TBC1D9B: variants seen among roughly 807,000 people sequenced by gnomAD.
TBC1D9B encodes the protein TBC1 domain family member 9B.
In TBC1D9B, 87 loss-of-function variants were observed where a neutral mutation model predicts 121.1. The ratio of observed to expected loss-of-function variants is 0.72; its 90% CI spans 0.60 to 0.86. The LOEUF is 0.86. Among genes scored for constraint, TBC1D9B ranks in the 40% least tolerant of loss-of-function variants. The pLI, the probability that TBC1D9B is intolerant of heterozygous loss-of-function variation, is 0.00. For synonymous variants in TBC1D9B, 668 were observed against 670.1 expected, an observed-to-expected ratio of 1.00 and a Z score of 0.05; for missense variants, 1,540 against 1,628.6, an observed-to-expected ratio of 0.95 and a Z score of 0.94.
At position 179,890,587 on chromosome 5, in the gene TBC1D9B, TC is replaced by T. The variant is rs995675926; in HGVS notation, c.1044+791del. 1.1e-4 allele frequency among the ~76,000 whole-genome samples: 17 copies of T among 152,220 alleles called. No individual in the cohort carries two copies. Among genetic ancestry groups the T allele is most frequent in the African/African-American group, 4.1e-4 (17 of 41,448 alleles). The stretch of plus-strand genomic sequence containing the variant: ...GGCAGCAACTCTCCCACACCTATTC[TC>T]AGCTACATCTGCAACTTGAGGGATT... On this transcript the variant is annotated intron_variant, in intron 6 of 20. Coordinates refer to ENST00000355235, the MANE Select transcript of TBC1D9B (RefSeq NM_015043.4). The surrounding 1 kb of genome is among the most constrained non-coding windows in gnomAD (Gnocchi z 5.0).
At position 179,865,125 on chromosome 5, in the gene TBC1D9B, G is replaced by A. The variant is rs543833916; in HGVS notation, c.3021+129C>T. On this transcript the variant is annotated intron_variant, in intron 20 of 20. Transcript: ENST00000355235. The surrounding 1 kb of genome is among the most constrained non-coding windows in gnomAD (Gnocchi z 5.1). ...TCGCTGACTGGCAACCAGGACTAACGGGCTCTAGAGGCAGGGAGGAGCCTT... is the reference window on the plus strand; with the variant it reads ...TCGCTGACTGGCAACCAGGACTAACAGGCTCTAGAGGCAGGGAGGAGCCTT... The A allele has an allele frequency of 2.4e-5, 20 of 819,980 alleles. No individual in the cohort carries two copies. The highest frequency in any genetic ancestry group is 2.2e-4 in the African/African-American group (13 of 59,034). 50.8% of individuals were successfully genotyped at this position (819,980 alleles called of 1,614,324 possible). A position where few individuals can be genotyped will look rare whatever the true frequency, so the allele number is the denominator to read the frequency against.
At chr5:179,894,685 G>A in intron 3 of TBC1D9B, 71 bp from the exon 4 acceptor site, 1 of 1,530,560 alleles carries the variant, frequency 6.5e-7, no homozygotes, top group Non-Finnish European at 9.0e-7. Context: ...GAGCAGAGAG[G>A]CCCAGGGAAC....
intron 7 of TBC1D9B, among the ~76,000 whole-genome samples, chr5:179,882,943 C>T (rs1760581957): frequency 6.6e-6 from 1 of 152,182 alleles, no homozygotes; most frequent in Non-Finnish European, 1.5e-5. Context: ...CCTCCTTCTC[C>T]CACCTCCTGG....
intron 2 of TBC1D9B, among the ~76,000 whole-genome samples, chr5:179,899,567 C>A (rs1379962448): frequency 6.6e-6 from 1 of 152,200 alleles, no homozygotes; most frequent in East Asian, 1.9e-4. Context: ...TCCCTGAAGC[C>A]AACAGGGAGA....
Position 179,879,711 on chromosome 5 carries a change from C to G in TBC1D9B, c.1333G>C (p.Ala445Pro), listed in dbSNP as rs759021604. ...SPLSSRQSFC[A>P]QEAPTASQGL... Reference sequence around the variant, plus strand: ...TGGGATGCGGTTGGCGCCTCCTGCGCACAGAAGCTCTGGCGGCTGCTGAGG... The same window carrying G: ...TGGGATGCGGTTGGCGCCTCCTGCGGACAGAAGCTCTGGCGGCTGCTGAGG... Residue 445 changes from alanine to proline, a missense_variant, in exon 8 of 21, where the codon GCG becomes CCG. Transcript: ENST00000355235. The G allele has an allele frequency of 8.7e-6, 14 of 1,614,068 alleles. No individual in the cohort carries two copies. The Admixed American group carries it at 1.0e-4, about 12-fold the overall frequency.
At chr5:179,866,220 G>A (rs1262099590) in intron 18 of TBC1D9B, 4 of 255,064 alleles carry the variant, frequency 1.6e-5, no homozygotes, top group African/African-American at 2.3e-5. Flanking sequence ...GAGGACTAAC[G>A]AATTCTATAG....
In TBC1D9B at chr5:179,862,713, C is replaced by T; in HGVS notation, c.*735G>A. 1 of 421,664 alleles carries T rather than the reference C, an allele frequency of 2.4e-6. No homozygotes were observed. 26.1% of individuals were successfully genotyped at this position (421,664 alleles called of 1,614,324 possible). On this transcript the variant is annotated 3_prime_UTR_variant, in exon 21 of 21. Coordinates refer to ENST00000355235, the MANE Select transcript of TBC1D9B (RefSeq NM_015043.4). Reference sequence around the variant, plus strand: ...GGAGGCCTAAGCAGTGGTTGGGGGCCACAGCAAGGCATTGCACACAGTGGT... The same window carrying T: ...GGAGGCCTAAGCAGTGGTTGGGGGCTACAGCAAGGCATTGCACACAGTGGT...
At position 179,874,629 on chromosome 5, in the gene TBC1D9B, G is replaced by C. The variant is rs1216242055; in HGVS notation, c.2186+273C>G. Among the ~76,000 whole-genome samples the C allele has an allele frequency of 6.6e-6, 1 of 152,186 alleles. No individual in the cohort carries two copies. The highest frequency in any genetic ancestry group is 1.5e-5 in the Non-Finnish European group (1 of 68,022). The stretch of plus-strand genomic sequence containing the variant: ...GGATCTTGGCTCTGGTTTGCCCTCA[G>C]GGGAAGCATCTCCAACCCTACATCT... On this transcript the variant is annotated intron_variant, in intron 12 of 20. Transcript: ENST00000355235. The surrounding 1 kb of genome is among the most constrained non-coding windows in gnomAD (Gnocchi z 4.3).
At position 179,867,796 on chromosome 5, in the gene TBC1D9B, CTG is replaced by C; in HGVS notation, c.2843_2844del (p.Thr948ArgfsTer20). ...ESALEAAHYFTEDSSSEEALP... is the reference protein window; with the variant it reads ...ESALEAAHYFXEDSSSEEALP... ...CGCTCACCTTCTGAGGAGCTGTCCT[CTG>C]TGAAATAATGGGCCGCCTCCAGGGC... is the stretch of plus-strand genomic sequence containing the variant. On this transcript the variant is annotated frameshift_variant, in exon 18 of 21. Transcript: ENST00000355235. LOFTEE classifies it high-confidence loss of function. 4 of 1,550,162 alleles carry C rather than the reference CTG, an allele frequency of 2.6e-6. No individual in the cohort carries two copies. The highest frequency in any genetic ancestry group is 2.6e-6 in the Non-Finnish European group (3 of 1,146,816).
At chr5:179,893,492 C>A (rs774990827) in intron 4 of TBC1D9B, 25 bp from the exon 5 acceptor site, 1 of 1,569,566 alleles carries the variant, frequency 6.4e-7, no homozygotes, top group Non-Finnish European at 8.7e-7. Context: ...ATAGACACAC[C>A]GCAAGTTAGG....
At position 179,902,047 on chromosome 5, in the gene TBC1D9B, C is replaced by T. The variant is rs1380205377; in HGVS notation, c.229+2655G>A. 1.3e-5 allele frequency among the ~76,000 whole-genome samples: 2 copies of T among 152,244 alleles called. No homozygotes were observed. The highest frequency in any genetic ancestry group is 2.9e-5 in the Non-Finnish European group (2 of 68,042). On this transcript the variant is annotated intron_variant, in intron 2 of 20. Transcript: ENST00000355235. This position sits in a 1 kb window ranked among gnomAD's most constrained non-coding sequence, Gnocchi z 4.9. Reference sequence around the variant, plus strand: ...GTGAAATAAGTTACCCAAGGTCACACAGCTGGGAAGTGATCAAATCAGAAT... The same window carrying T: ...GTGAAATAAGTTACCCAAGGTCACATAGCTGGGAAGTGATCAAATCAGAAT...
chr5:179,882,105 C>T (rs1016584638), intron 7 of TBC1D9B, among the ~76,000 whole-genome samples: 4 of 151,868 alleles, frequency 2.6e-5, no homozygotes, highest in South Asian at 2.1e-4. Flanking sequence ...CCACCATGCC[C>T]GGCTAATTTT....
intron 10 of TBC1D9B, 87 bp downstream of exon 10, chr5:179,878,222 C>G: frequency 7.1e-7 from 1 of 1,403,512 alleles, no homozygotes. Context: ...AAGGCAGGGT[C>G]ACCACACAGG....
chr5:179,873,193 G>T lies in TBC1D9B; in HGVS notation c.2242C>A (p.Arg748Ser), dbSNP rs747893935. The T allele has an allele frequency of 2.9e-5, 46 of 1,613,210 alleles. No individual in the cohort carries two copies. Among genetic ancestry groups the T allele is most frequent in the Non-Finnish European group, 3.9e-5 (46 of 1,179,754 alleles). The change falls in exon 13 of 21, where the codon CGT becomes AGT. Residue 748 changes from arginine to serine, a missense_variant. Coordinates refer to ENST00000355235, the MANE Select transcript of TBC1D9B (RefSeq NM_015043.4). Reference protein sequence around the residue: ...QSVSPPIPHLRALLSSSDDPP... With the variant: ...QSVSPPIPHLSALLSSSDDPP... ...TCATCGCTGCTGCTCAGCAAGGCACGGAGGTGCGGGATAGGAGGAGAGACA... is the reference window on the plus strand; with the variant it reads ...TCATCGCTGCTGCTCAGCAAGGCACTGAGGTGCGGGATAGGAGGAGAGACA...
Position 179,863,771 on chromosome 5 carries a change from A to C in TBC1D9B, c.3379T>G (p.Ser1127Ala). Residue 1127 changes from serine (S) to alanine (A), a missense_variant, in exon 21 of 21, where the codon TCT becomes GCT. Coordinates refer to ENST00000355235, the MANE Select transcript of TBC1D9B (RefSeq NM_015043.4). The surrounding 1 kb of genome is among the most constrained non-coding windows in gnomAD (Gnocchi z 4.5). Reference protein sequence around the residue: ...EGQGSPSQLLSDDETKDDMSM... With the variant: ...EGQGSPSQLLADDETKDDMSM... ...ATGTCGTCTTTGGTTTCATCGTCAG[A>C]CAGCAGCTGGGAGGGTGAGCCCTGT... The C allele has an allele frequency of 6.2e-7, 1 of 1,613,510 alleles. No individual in the cohort carries two copies. Among genetic ancestry groups the C allele is most frequent in the Non-Finnish European group, 8.5e-7 (1 of 1,179,968 alleles).
At chr5:179,877,070 CAAAAAAAA>C (rs58537646) in intron 10 of TBC1D9B, among the ~76,000 whole-genome samples, 2 of 34,142 alleles carry the variant, frequency 5.9e-5, no homozygotes, top group African/African-American at 9.5e-5. Context: ...GATCCTGTCT[CAAAAAAAA>C]AAAAAAAAAA....
Position 179,879,710 on chromosome 5 carries a change from GCACAGAAGCT to G in TBC1D9B, c.1324_1333del (p.Ser442ArgfsTer12), listed in dbSNP as rs1561639660. On this transcript the variant is annotated frameshift_variant, in exon 8 of 21. Transcript: ENST00000355235. LOFTEE classifies it high-confidence loss of function. ...CTGGGATGCGGTTGGCGCCTCCTGCGCACAGAAGCTCTGGCGGCTGCTGAGGGGAGAGGCT... is the reference window on the plus strand; with the variant it reads ...CTGGGATGCGGTTGGCGCCTCCTGCGCTGGCGGCTGCTGAGGGGAGAGGCT... The G allele has an allele frequency of 2.5e-6, 4 of 1,614,196 alleles. No homozygotes were observed. The East Asian group carries it at 8.9e-5, about 36-fold the overall frequency.
chr5:179,870,203 T>A, intron 16 of TBC1D9B, 52 bp downstream of exon 16: 1 of 1,599,878 alleles, frequency 6.3e-7, no homozygotes, highest in Non-Finnish European at 8.5e-7. Context: ...GGAGGCTTCC[T>A]GGGAAAGGGT....
intron 3 of TBC1D9B, among the ~76,000 whole-genome samples, chr5:179,898,252 T>C (rs1411213456): frequency 1.3e-5 from 2 of 151,806 alleles, no homozygotes; most frequent in Non-Finnish European, 1.5e-5. Flanking sequence ...CCCGGGTTTA[T>C]GCCATTCTCC....
Sources: gnomAD v4.1 joint callset for allele counts (sites outside exome capture counted in the v4.1 genomes callset) on GRCh38, gnomAD v4.1.1 for gene constraint, Gnocchi (gnomAD v3.1) non-coding constraint, MANE v1.5 for transcripts, NCBI Gene and HGNC (gene_info 2026-07-23, HGNC 2026-07-21) for gene names.